The following GSDMB variants were observed in gnomAD, a reference collection of about 807,000 sequenced individuals.
The protein encoded by GSDMB is gasdermin B.
Under a neutral mutation model 42.9 loss-of-function variants are expected in GSDMB, and 32 were observed. The ratio of observed to expected loss-of-function variants is 0.75; its 90% CI spans 0.56 to 1.00. The LOEUF is 1.00. Ranked by LOEUF, GSDMB falls within the 50% of genes least tolerant of loss-of-function variation. The pLI is 0.00. For synonymous variants in GSDMB, 175 were observed against 193.7 expected, an observed-to-expected ratio of 0.90 and a Z score of 0.80; for missense variants, 468 against 498.5, an observed-to-expected ratio of 0.94 and a Z score of 0.58.
chr17:39,917,313 A>T lies in GSDMB; in HGVS notation c.4T>A (p.Phe2Ile). ...CTTGTGATTTCCTCAAATACGCTGAACATTGCGCCTGGACCAACTCAGAAA... is the reference window on the plus strand; with the variant it reads ...CTTGTGATTTCCTCAAATACGCTGATCATTGCGCCTGGACCAACTCAGAAA... M[F>I]SVFEEITRIV... The change falls in exon 2 of 11, where the codon TTC becomes ATC. Residue 2 changes from phenylalanine to isoleucine, a missense_variant. Transcript: ENST00000418519. 1.2e-6 allele frequency: 2 copies of T among 1,601,748 alleles called. No homozygotes were observed. The highest frequency in any genetic ancestry group is 1.7e-6 in the Non-Finnish European group (2 of 1,168,680).
At chr17:39,910,047 G>A in intron 3 of GSDMB, 123 bp from the exon 4 acceptor site, 1 of 754,434 alleles carries the variant, frequency 1.3e-6, no homozygotes, top group Middle Eastern at 3.4e-4. Context: ...GGAAAACCAA[G>A]GAACACAGCA....
Position 39,912,363 on chromosome 17 carries a change from G to A in GSDMB, c.370C>T (p.Arg124Trp), listed in dbSNP as rs751148167. Residue 124 changes from arginine (R) to tryptophan (W), a missense_variant, in exon 3 of 11, where the codon CGG becomes TGG. By Grantham distance (101) the Arg-to-Trp change is moderately radical. Transcript: ENST00000418519. Reference sequence around the variant, plus strand: ...GTAGCCAGATACTGCTGGGATATCCGGTTCTCCGATATCTTGATTTTCTGA... The same window carrying A: ...GTAGCCAGATACTGCTGGGATATCCAGTTCTCCGATATCTTGATTTTCTGA... Reference protein sequence around the residue: ...HHQKIKISENRISQQYLATLE... With the variant: ...HHQKIKISENWISQQYLATLE... 1.7e-5 allele frequency: 27 copies of A among 1,613,846 alleles called. No homozygotes were observed. Among genetic ancestry groups the A allele is most frequent in the Middle Eastern group, 1.6e-4 (1 of 6,068 alleles).
intron 4 of GSDMB, 141 bp downstream of exon 4, chr17:39,909,615 C>A (rs528738897): frequency 1.7e-5 from 12 of 691,846 alleles, no homozygotes; most frequent in Middle Eastern, 4.1e-4. Flanking sequence ...ATGCCACCCA[C>A]CCTTTCTTGG....
intron 6 of GSDMB, chr17:39,907,593 T>G (rs1029832230): frequency 6.6e-6 from 1 of 151,806 alleles, no homozygotes; most frequent in Non-Finnish European, 1.5e-5. Context: ...CTTGGCGTGG[T>G]GGAGGGCACC....
At chr17:39,912,203 A>G (rs573815689) in intron 3 of GSDMB, 123 bp downstream of exon 3, 1 of 681,958 alleles carries the variant, frequency 1.5e-6, no homozygotes, top group East Asian at 2.8e-5. Context: ...GCTCATGAAA[A>G]GCAGGGAAAA....
intron 10 of GSDMB, 180 bp from the exon 11 acceptor site, chr17:39,905,144 G>A (rs2063481510): frequency 1.6e-6 from 1 of 628,328 alleles, no homozygotes. Flanking sequence ...GGCTCTGCTA[G>A]TCAGTCTGCA....
chr17:39,912,845 C>A (rs928532094), intron 2 of GSDMB, among the ~76,000 whole-genome samples: 1 of 152,230 alleles, frequency 6.6e-6, no homozygotes, highest in Non-Finnish European at 1.5e-5. Flanking sequence ...GTGGCTCACG[C>A]CTGTAATCCC....
chr17:39,911,095 A>T (rs952035661), intron 3 of GSDMB, among the ~76,000 whole-genome samples: 1 of 152,126 alleles, frequency 6.6e-6, no homozygotes, highest in Admixed American at 6.5e-5. Context: ...TGAGGTCAGG[A>T]GTTCGAGACC....
At chr17:39,914,427 G>A (rs1171115873) in intron 2 of GSDMB, among the ~76,000 whole-genome samples, 1 of 152,192 alleles carries the variant, frequency 6.6e-6, no homozygotes, top group East Asian at 1.9e-4. Context: ...GTAGGATCCT[G>A]GATGGGATTC....
At chr17:39,912,277 C>T in intron 3 of GSDMB, 49 bp downstream of exon 3, 2 of 1,415,650 alleles carry the variant, frequency 1.4e-6, no homozygotes, top group Non-Finnish European at 2.0e-6. Flanking sequence ...CCTTGGTGCC[C>T]AAGATGGGCT....
At chr17:39,916,081 T>C (rs1210249386) in intron 2 of GSDMB, among the ~76,000 whole-genome samples, 1 of 151,856 alleles carries the variant, frequency 6.6e-6, no homozygotes, top group Non-Finnish European at 1.5e-5. Flanking sequence ...AGGCAGGGGG[T>C]TGGAATAATT....
rs115508097 is a variant in GSDMB, at chr17:39,911,796, T to A, written c.407+530A>T. Among the ~76,000 whole-genome samples the A allele has an allele frequency of 8.8e-3, 1,339 of 152,096 alleles. 14 individuals are homozygous for A. The highest frequency in any genetic ancestry group is 0.031 in the African/African-American group (1,280 of 41,482). ...GAGGGAAACAAGCACAAAATACTGA[T>A]GTGGGCAGCTCAGTGCAGGAGAGCA... is the stretch of plus-strand genomic sequence containing the variant. On this transcript the variant is annotated intron_variant, in intron 3 of 10. Coordinates refer to ENST00000418519, the MANE Select transcript of GSDMB (RefSeq NM_001165958.2).
At chr17:39,905,283 A>T (rs958587581) in intron 10 of GSDMB, 143 bp downstream of exon 10, 5 of 641,388 alleles carry the variant, frequency 7.8e-6, no homozygotes, top group Non-Finnish European at 1.4e-5. Context: ...TGTCCAGGGA[A>T]TTGTCACAAA....
intron 3 of GSDMB, among the ~76,000 whole-genome samples, chr17:39,910,285 T>C (rs1292902746): frequency 1.3e-5 from 2 of 152,040 alleles, no homozygotes; most frequent in African/African-American, 2.4e-5. Flanking sequence ...GACTGCACCA[T>C]TGCACTCCAG....
Position 39,904,949 on chromosome 17 carries a change from C to T in GSDMB, c.1114G>A (p.Glu372Lys), listed in dbSNP as rs769130117. The T allele has an allele frequency of 1.9e-6, 3 of 1,613,666 alleles. No individual in the cohort carries two copies. Among genetic ancestry groups the T allele is most frequent in the Non-Finnish European group, 2.5e-6 (3 of 1,179,740 alleles). Residue 372 changes from glutamate to lysine, a missense_variant, in exon 11 of 11, where the codon GAG becomes AAG. Physicochemically the swap from Glu to Lys is moderately conservative, Grantham distance 56. Coordinates refer to ENST00000418519, the MANE Select transcript of GSDMB (RefSeq NM_001165958.2). ...LLKDQVKSVM[E>K]QNWDELASSP... The stretch of plus-strand genomic sequence containing the variant: ...CTGGCCAGCTCATCCCAGTTCTGCT[C>T]CATGACAGATTTCACCTGGAAGGAA...
At chr17:39,906,858 T>G (rs1477278714) in intron 7 of GSDMB, 103 bp downstream of exon 7, 1 of 1,586,280 alleles carries the variant, frequency 6.3e-7, no homozygotes, top group Admixed American at 1.7e-5. Flanking sequence ...CCTCCCGACT[T>G]CCTACCCACT....
At chr17:39,910,268 G>A (rs562939538) in intron 3 of GSDMB, among the ~76,000 whole-genome samples, 2 of 152,252 alleles carry the variant, frequency 1.3e-5, no homozygotes, top group East Asian at 3.9e-4. Flanking sequence ...AGGTTGCAGT[G>A]AGCCAAGACT....
chr17:39,917,219 C>T lies in GSDMB; in HGVS notation c.98G>A (p.Arg33Lys), dbSNP rs1447062069. 1.2e-6 allele frequency: 2 copies of T among 1,614,076 alleles called. No individual in the cohort carries two copies. Among genetic ancestry groups the T allele is most frequent in the Non-Finnish European group, 1.7e-6 (2 of 1,179,910 alleles). The change falls in exon 2 of 11, where the codon AGA (arginine) becomes AAA (lysine). Residue 33 changes from arginine to lysine, a missense_variant. Arg to Lys is a conservative substitution (Grantham distance 26, BLOSUM62 2). Coordinates refer to ENST00000418519, the MANE Select transcript of GSDMB (RefSeq NM_001165958.2). Reference protein sequence around the residue: ...IAVRSLVDADRFRCFHLVGEK... With the variant: ...IAVRSLVDADKFRCFHLVGEK... ...CCCCACCAGATGGAAGCAGCGGAATCTATCAGCATCAACAAGGCTTCTAAC... is the reference window on the plus strand; with the variant it reads ...CCCCACCAGATGGAAGCAGCGGAATTTATCAGCATCAACAAGGCTTCTAAC...
intron 2 of GSDMB, among the ~76,000 whole-genome samples, chr17:39,916,481 G>A (rs970490077): frequency 2.6e-5 from 4 of 151,142 alleles, no homozygotes; most frequent in East Asian, 1.9e-4. Flanking sequence ...AAGCAGAGAC[G>A]GGGTTTCACT....
Sources: gnomAD v4.1 joint callset for allele counts (sites outside exome capture counted in the v4.1 genomes callset) on GRCh38, gnomAD v4.1.1 for gene constraint, MANE v1.5 for transcripts, NCBI Gene and HGNC (gene_info 2026-07-23, HGNC 2026-07-21) for gene names.